MTAP: variants seen among roughly 807,000 people sequenced by gnomAD.
The protein encoded by MTAP is methylthioadenosine phosphorylase.
A neutral mutation model predicts 33.6 loss-of-function variants in MTAP; 33 were observed. The ratio of observed to expected loss-of-function variants is 0.98; its 90% CI spans 0.74 to 1.31. The LOEUF (loss-of-function observed/expected upper bound fraction) is 1.31, where lower values mean the gene tolerates loss of function less well. Ranked by LOEUF, MTAP falls within the 40% of genes most tolerant of loss-of-function variation. MTAP has a pLI of 0.00. For missense variants in MTAP, 367 were observed against 360.0 expected, an observed-to-expected ratio of 1.02 and a Z score of -0.16; for synonymous variants, 148 against 125.7, an observed-to-expected ratio of 1.18 and a Z score of -1.19.
intron 5 of MTAP, among the ~76,000 whole-genome samples, chr9:21,843,315 G>A (rs1429749116): frequency 6.6e-6 from 1 of 152,042 alleles, no homozygotes; most frequent in East Asian, 1.9e-4. Context: ...CAATAATAGT[G>A]GGGCACTTAA....
intron 4 of MTAP, among the ~76,000 whole-genome samples, chr9:21,823,978 C>T (rs1824717984): frequency 6.6e-6 from 1 of 152,222 alleles, no homozygotes; most frequent in East Asian, 1.9e-4. Context: ...AAGGACTTCT[C>T]TACACTGGTT....
intron 6 of MTAP, 126 bp downstream of exon 6, chr9:21,854,996 A>G: frequency 7.7e-7 from 1 of 1,298,374 alleles, no homozygotes. Flanking sequence ...GAAGTTGTTA[A>G]TATTTTCTGT....
intron 7 of MTAP, chr9:21,860,973 AGGCTGG>A (rs1825741383): frequency 6.6e-6 from 1 of 152,168 alleles, no homozygotes; most frequent in South Asian, 2.1e-4. Context: ...CATGTCGGTC[AGGCTGG>A]TCTTGAACTC....
At chr9:21,877,316 G>C (rs969788229) in intron 1 of MTAP, among the ~76,000 whole-genome samples, 1 of 152,110 alleles carries the variant, frequency 6.6e-6, no homozygotes. Flanking sequence ...GGGATAGTTT[G>C]ACTTCCTCTC....
Position 21,802,659 on chromosome 9 carries a change from A to T in MTAP, c.-90A>T, listed in dbSNP as rs1270402521. The T allele has an allele frequency of 1.4e-6, 2 of 1,470,204 alleles. No homozygotes were observed. Among genetic ancestry groups the T allele is most frequent in the Non-Finnish European group, 1.9e-6 (2 of 1,059,252 alleles). 91.1% of individuals were successfully genotyped at this position (1,470,204 alleles called of 1,614,324 possible). A position where few individuals can be genotyped will look rare whatever the true frequency, so the allele number is the denominator to read the frequency against. ...GTCTCCGCACTGCTCACTCCCGCGC[A>T]GTGAGGTTGGCACAGCCACCGCTCT... On this transcript the variant is annotated 5_prime_UTR_variant, in exon 1 of 8. Transcript: ENST00000644715.
intron 5 of MTAP, among the ~76,000 whole-genome samples, chr9:21,840,344 A>G (rs1173985058): frequency 6.6e-6 from 1 of 152,252 alleles, no homozygotes; most frequent in African/African-American, 2.4e-5. Context: ...CTTACCGGGA[A>G]AACCAAAAGA....
At chr9:21,910,885 G>A (rs886859501) in intron 1 of MTAP, among the ~76,000 whole-genome samples, 9 of 151,942 alleles carry the variant, frequency 5.9e-5, no homozygotes, top group African/African-American at 1.9e-4. Flanking sequence ...TTTCCTCACC[G>A]CCTCTAAGAA....
chr9:21,803,063 A>AGGAGAGGGTACGCTTGCAAATGATCC, intron 1 of MTAP: 1 of 848,958 alleles, frequency 1.2e-6, no homozygotes. Context: ...CTGCACCCGC[A>AGGAGAGGGTACGCTTGCAAATGATCC]CCCTGTAGGG....
At chr9:21,856,046 C>T in intron 6 of MTAP, 1 of 448,180 alleles carries the variant, frequency 2.2e-6, no homozygotes, top group Non-Finnish European at 2.9e-6. Flanking sequence ...TTAATGATTA[C>T]CTCTTGTCTC....
chr9:21,889,943 G>C (rs920187086), intron 1 of MTAP, among the ~76,000 whole-genome samples: 12 of 152,248 alleles, frequency 7.9e-5, no homozygotes, highest in African/African-American at 2.2e-4. Context: ...ATACAAGCTT[G>C]CCCTAAAATT....
chr9:21,868,049 T>G (rs1267408564), downstream of MTAP, among the ~76,000 whole-genome samples: 2 of 152,128 alleles, frequency 1.3e-5, no homozygotes, highest in African/African-American at 4.8e-5. Flanking sequence ...AGATAGGATG[T>G]TTATACTTCA....
chr9:21,815,325 G>T, intron 1 of MTAP, 108 bp from the exon 2 acceptor site: 1 of 671,686 alleles, frequency 1.5e-6, no homozygotes, highest in Non-Finnish European at 2.4e-6. Flanking sequence ...AATAACTAGG[G>T]CTTGGCAGGA....
chr9:21,803,036 A>ACACACACC (rs1020757334), intron 1 of MTAP: 159 of 1,039,814 alleles, frequency 1.5e-4, no homozygotes, highest in African/African-American at 9.5e-4. Flanking sequence ...ACACACACAC[A>ACACACACC]CCACCTTTTG....
intron 4 of MTAP, among the ~76,000 whole-genome samples, chr9:21,825,490 G>A (rs115598760): frequency 7.2e-5 from 11 of 152,162 alleles, no homozygotes; most frequent in African/African-American, 2.2e-4. Flanking sequence ...AGTATACAAG[G>A]GTTCTGTTTT....
At chr9:21,836,679 T>C (rs1825115702) in intron 4 of MTAP, among the ~76,000 whole-genome samples, 1 of 152,200 alleles carries the variant, frequency 6.6e-6, no homozygotes, top group Non-Finnish European at 1.5e-5. Context: ...TTCAACTCCA[T>C]CTGGAATTGC....
intron 5 of MTAP, among the ~76,000 whole-genome samples, chr9:21,853,229 G>C (rs1020508771): frequency 6.6e-6 from 1 of 152,092 alleles, no homozygotes; most frequent in East Asian, 1.9e-4. Context: ...ATATGGTTCA[G>C]TTATTCAGGA....
chr9:21,934,414 T>G (rs1819009451), downstream of MTAP: 1 of 152,208 alleles, frequency 6.6e-6, no homozygotes, highest in Non-Finnish European at 1.5e-5. This position sits in a 1 kb window ranked among gnomAD's most constrained non-coding sequence, Gnocchi z 5.0. Context: ...GGGATAATCT[T>G]CAGTAAATAA....
chr9:21,859,531 A>G, intron 7 of MTAP, 106 bp downstream of exon 7: 3 of 1,334,676 alleles, frequency 2.2e-6, no homozygotes, highest in South Asian at 3.4e-5. Flanking sequence ...GCCAGCCTAG[A>G]TGTTTTCAAC....
chr9:21,820,801 T>C lies in MTAP; in HGVS notation c.347+2599T>C, dbSNP rs900426202. 3.3e-5 allele frequency among the ~76,000 whole-genome samples: 5 copies of C among 152,328 alleles called. No homozygotes were observed. In the East Asian group the frequency reaches 9.6e-4, roughly 29 times the overall value. ...TTGTTTGTATCCTCTTTTATTTCAT[T>C]GAGCAGTGGTTTGTAGTTCTCCTTG... On this transcript the variant is annotated intron_variant, in intron 4 of 7. Transcript: ENST00000644715.
Sources: gnomAD v4.1 joint callset for allele counts (sites outside exome capture counted in the v4.1 genomes callset) on GRCh38, gnomAD v4.1.1 for gene constraint, Gnocchi (gnomAD v3.1) non-coding constraint, MANE v1.5 for transcripts, NCBI Gene and HGNC (gene_info 2026-07-23, HGNC 2026-07-21) for gene names.